LIPG: variants seen among roughly 807,000 people sequenced by gnomAD.
LIPG encodes endothelial lipase.
A neutral mutation model predicts 51.8 loss-of-function variants in LIPG; 34 were observed. The observed-to-expected ratio is 0.66, with a 90% CI of 0.50 to 0.87. The LOEUF (loss-of-function observed/expected upper bound fraction) is 0.87. LIPG is among the 40% of genes least tolerant of loss of function. LIPG has a pLI of 0.00. For synonymous variants in LIPG, 246 were observed against 246.1 expected (o/e 1.00, Z 0.00); for missense variants, 580 against 652.7 (o/e 0.89, Z 1.21).
In LIPG at chr18:49,593,396, C is replaced by G. The variant is rs999462662; in HGVS notation, c.*2874C>G. ...AACAAGAACATCATTTCACTGAAGA[C>G]GAGAAGAAAAATTATTTCAATTGTA... On this transcript the variant is annotated 3_prime_UTR_variant, in exon 10 of 10. Transcript: ENST00000261292. The G allele has an allele frequency of 2.0e-5, 3 of 152,042 alleles. No homozygotes were observed. The highest frequency in any genetic ancestry group is 7.3e-5 in the African/African-American group (3 of 41,372). 9.4% of individuals were successfully genotyped at this position (152,042 alleles called of 1,614,324 possible).
chr18:49,571,308 G>A (rs2084660507), intron 4 of LIPG, among the ~76,000 whole-genome samples: 1 of 152,230 alleles, frequency 6.6e-6, no homozygotes, highest in Admixed American at 6.5e-5. Flanking sequence ...GGCCCAGAAT[G>A]TCAGTAACGA....
intron 4 of LIPG, among the ~76,000 whole-genome samples, chr18:49,574,585 A>C (rs1000842811): frequency 1.3e-5 from 2 of 152,208 alleles, no homozygotes; most frequent in East Asian, 3.8e-4. Context: ...ACACGCATAC[A>C]GGTAACTAGT....
chr18:49,575,163 G>T (rs991402437), intron 4 of LIPG, among the ~76,000 whole-genome samples: 1 of 152,178 alleles, frequency 6.6e-6, no homozygotes, highest in African/African-American at 2.4e-5. Flanking sequence ...CATAACAGTA[G>T]GATTTAATTT....
intron 4 of LIPG, 83 bp downstream of exon 4, chr18:49,569,631 T>C: frequency 2.7e-6 from 3 of 1,115,402 alleles, no homozygotes; most frequent in East Asian, 2.5e-5. Context: ...GAGTGAGTCA[T>C]AGAAAGTTAG....
At chr18:49,579,817 T>TCTTTC (rs1555778434) in intron 5 of LIPG, among the ~76,000 whole-genome samples, 2 of 135,150 alleles carry the variant, frequency 1.5e-5, no homozygotes. Flanking sequence ...TCTTTTCTTT[T>TCTTTC]CTTTACTTTA....
Position 49,595,926 on chromosome 18 carries a change from G to A in LIPG, c.*5404G>A, listed in dbSNP as rs1728486859. ...AGGGGCCTATTAGTCTTTGGGAAAG[G>A]AATGGATGGATGATGAGAAAGTAGG... On this transcript the variant is annotated 3_prime_UTR_variant, in exon 10 of 10. Transcript: ENST00000261292. The A allele has an allele frequency of 6.6e-6, 1 of 152,268 alleles. No individual in the cohort carries two copies. Among genetic ancestry groups the A allele is most frequent in the East Asian group, 1.9e-4 (1 of 5,192 alleles). 9.4% of individuals were successfully genotyped at this position (152,268 alleles called of 1,614,324 possible). A position where few individuals can be genotyped will look rare whatever the true frequency, so the allele number is the denominator to read the frequency against.
chr18:49,583,704 C>G lies in LIPG; in HGVS notation c.1306C>G (p.Gln436Glu). The change falls in exon 8 of 10, where the codon CAA becomes GAA. Residue 436 changes from glutamine to glutamate, a missense_variant. Gln to Glu is a conservative substitution (Grantham distance 29, BLOSUM62 2). Coordinates refer to ENST00000261292, the MANE Select transcript of LIPG (RefSeq NM_006033.4). Reference protein sequence around the residue: ...LWKEFRSYLSQPRNPGRELNI... With the variant: ...LWKEFRSYLSEPRNPGRELNI... ...GAAGGAGTTTCGCAGCTACCTGTCT[C>G]AACCCCGCAACCCCGGACGGGAGCT... The G allele has an allele frequency of 6.2e-7, 1 of 1,614,194 alleles. No homozygotes were observed. Among genetic ancestry groups the G allele is most frequent in the South Asian group, 1.1e-5 (1 of 91,080 alleles).
chr18:49,564,463 T>C (rs1051937620), intron 1 of LIPG, among the ~76,000 whole-genome samples: 45 of 152,370 alleles, frequency 3.0e-4, no homozygotes, highest in African/African-American at 7.9e-4. Flanking sequence ...GCACTGTGCA[T>C]GAGCAGTGAA....
At chr18:49,585,482 A>G (rs929439167) in intron 8 of LIPG, among the ~76,000 whole-genome samples, 1 of 152,238 alleles carries the variant, frequency 6.6e-6, no homozygotes, top group Non-Finnish European at 1.5e-5. Flanking sequence ...TTGTTTGTGA[A>G]ATTTATCCAA....
chr18:49,580,398 T>C (rs777004413), intron 5 of LIPG, among the ~76,000 whole-genome samples: 5 of 152,200 alleles, frequency 3.3e-5, no homozygotes, highest in Non-Finnish European at 5.9e-5. Flanking sequence ...ATTGCCTCTG[T>C]TCCAACTCTG....
upstream of LIPG, chr18:49,561,695 T>G (rs1039928853): frequency 2.3e-5 from 29 of 1,244,938 alleles, no homozygotes; most frequent in African/African-American, 4.5e-4. Context: ...GATGCTCTCC[T>G]TCTCCAGGGA....
At chr18:49,586,431 T>TA (rs764551443) in intron 8 of LIPG, among the ~76,000 whole-genome samples, 3 of 152,184 alleles carry the variant, frequency 2.0e-5, no homozygotes, top group Non-Finnish European at 4.4e-5. Context: ...AGGGTTAGGT[T>TA]AATGAGGGCT....
chr18:49,593,641 C>CA lies in LIPG; in HGVS notation c.*3120dup, dbSNP rs2084964655. 6.6e-6 allele frequency: 1 copy of CA among 152,184 alleles called. No homozygotes were observed. Among genetic ancestry groups the CA allele is most frequent in the Non-Finnish European group, 1.5e-5 (1 of 68,046 alleles). The allele number at this position is 152,184 out of a possible 1,614,324, so 9.4% of individuals were successfully genotyped here. ...GCAGGTTCTTAGTTTTTCACTGTGC[C>CA]ATTCATGGGGTATTCCTCGCATCCC... On this transcript the variant is annotated 3_prime_UTR_variant, in exon 10 of 10. Coordinates refer to ENST00000261292, the MANE Select transcript of LIPG (RefSeq NM_006033.4).
At chr18:49,583,529 T>G (rs2084846843) in intron 7 of LIPG, 27 bp from the exon 8 acceptor site, 2 of 1,598,722 alleles carry the variant, frequency 1.3e-6, no homozygotes, top group Non-Finnish European at 1.7e-6. Flanking sequence ...GTTAGGGGAG[T>G]GAGATCAGCT....
Position 49,580,187 on chromosome 18 carries a change from A to G in LIPG, c.794-1228A>G, listed in dbSNP as rs144918816. Among the ~76,000 whole-genome samples, 16 of 152,264 alleles carry G rather than the reference A, an allele frequency of 1.1e-4. No homozygotes were observed. The South Asian group carries it at 2.3e-3, about 22-fold the overall frequency. On this transcript the variant is annotated intron_variant, in intron 5 of 9. Coordinates refer to ENST00000261292, the MANE Select transcript of LIPG (RefSeq NM_006033.4). ...TTGGTTATGCCAAATTTTTTGTAAGATCCCAGAAATTATTTGGGCCAGAAA... is the reference window on the plus strand; with the variant it reads ...TTGGTTATGCCAAATTTTTTGTAAGGTCCCAGAAATTATTTGGGCCAGAAA...
intron 1 of LIPG, among the ~76,000 whole-genome samples, chr18:49,564,195 GCTT>G (rs1175588150): frequency 1.8e-4 from 28 of 151,948 alleles, no homozygotes; most frequent in Non-Finnish European, 2.9e-4. Context: ...TCTTCCTTTT[GCTT>G]CTTAACTCTG....
chr18:49,576,024 G>A (rs2084712452), intron 5 of LIPG, among the ~76,000 whole-genome samples: 1 of 151,926 alleles, frequency 6.6e-6, no homozygotes, highest in Non-Finnish European at 1.5e-5. Flanking sequence ...CTTTAGTAGA[G>A]ATGGGTTTTC....
At chr18:49,577,184 C>A (rs2084728651) in intron 5 of LIPG, among the ~76,000 whole-genome samples, 2 of 130,896 alleles carry the variant, frequency 1.5e-5, no homozygotes, top group Non-Finnish European at 3.2e-5. Context: ...GTGTTTGTGT[C>A]CCTGATTACT....
chr18:49,585,713 C>T (rs907906904), intron 8 of LIPG, among the ~76,000 whole-genome samples: 9 of 152,202 alleles, frequency 5.9e-5, no homozygotes, highest in African/African-American at 2.2e-4. Flanking sequence ...GTAGTATATG[C>T]ATTCTCCAGC....
Sources: gnomAD v4.1 joint callset for allele counts (sites outside exome capture counted in the v4.1 genomes callset) on GRCh38, gnomAD v4.1.1 for gene constraint, MANE v1.5 for transcripts, NCBI Gene and HGNC (gene_info 2026-07-23, HGNC 2026-07-21) for gene names.